The following THSD7B variants were observed in gnomAD, a reference collection of about 807,000 sequenced individuals.
THSD7B encodes thrombospondin type 1 domain containing 7B.
Under a neutral mutation model 213.6 loss-of-function variants are expected in THSD7B, and 138 were observed. That is an observed-to-expected ratio of 0.65 (90% CI 0.56 to 0.74). THSD7B has a LOEUF of 0.74. Ranked by LOEUF, THSD7B falls within the 30% of genes least tolerant of loss-of-function variation. THSD7B has a pLI of 0.00. For missense variants in THSD7B, 1,931 were observed against 1,991.5 expected (o/e 0.97, Z 0.58); for synonymous variants, 742 against 687.0 (o/e 1.08, Z -1.25).
intron 11 of THSD7B, 133 bp from the exon 12 acceptor site, chr2:137,275,790 T>G: frequency 1.6e-6 from 1 of 633,892 alleles, no homozygotes. Context: ...GGCTTGGTTT[T>G]ATGACATTGA....
At chr2:137,270,575 A>G (rs996006875) in intron 10 of THSD7B, among the ~76,000 whole-genome samples, 4 of 152,200 alleles carry the variant, frequency 2.6e-5, no homozygotes, top group African/African-American at 9.7e-5. Context: ...ATGACAGAAC[A>G]TTAATGGGTA....
At chr2:137,468,821 C>G (rs896097898) in intron 15 of THSD7B, among the ~76,000 whole-genome samples, 1 of 152,104 alleles carries the variant, frequency 6.6e-6, no homozygotes, top group Non-Finnish European at 1.5e-5. Context: ...CCCTCTACAT[C>G]AGTCAGAGCT....
chr2:136,844,480 GA>G (rs1682969249), intron 1 of THSD7B, among the ~76,000 whole-genome samples: 1 of 149,338 alleles, frequency 6.7e-6, no homozygotes, highest in African/African-American at 2.5e-5. Flanking sequence ...GAGAGAGAGA[GA>G]GAGAGAGAGA....
chr2:137,351,857 A>T (rs1040257316), intron 12 of THSD7B, among the ~76,000 whole-genome samples: 1 of 151,952 alleles, frequency 6.6e-6, no homozygotes, highest in Non-Finnish European at 1.5e-5. Context: ...CACTAAATCA[A>T]GCTTGTTCAA....
chr2:137,666,393 A>T (rs1683446999), intron 26 of THSD7B, among the ~76,000 whole-genome samples: 2 of 152,102 alleles, frequency 1.3e-5, no homozygotes, highest in African/African-American at 4.8e-5. Context: ...AAATACAATT[A>T]CTACATTGAA....
At chr2:137,042,879 T>C (rs570574758) in intron 2 of THSD7B, among the ~76,000 whole-genome samples, 75 of 152,380 alleles carry the variant, frequency 4.9e-4, no homozygotes, top group African/African-American at 1.7e-3. Context: ...CAATTCACTT[T>C]TTTTGTAAGC....
intron 1 of THSD7B, among the ~76,000 whole-genome samples, chr2:136,839,370 C>G (rs1184924907): frequency 1.3e-5 from 2 of 152,194 alleles, no homozygotes; most frequent in Non-Finnish European, 2.9e-5. Flanking sequence ...TTCTTATCCT[C>G]CATCCTCAAT....
intron 14 of THSD7B, among the ~76,000 whole-genome samples, chr2:137,413,343 C>T (rs1183814846): frequency 1.3e-5 from 2 of 152,112 alleles, no homozygotes; most frequent in South Asian, 4.1e-4. Flanking sequence ...CTGCTATGTA[C>T]CTGGACATCT....
intron 17 of THSD7B, among the ~76,000 whole-genome samples, chr2:137,589,856 C>G (rs1257732223): frequency 6.6e-6 from 1 of 152,102 alleles, no homozygotes; most frequent in Non-Finnish European, 1.5e-5. Context: ...GCAGCAATGC[C>G]AAGTGCTTCA....
At chr2:137,567,207 C>T (rs564827138) in intron 16 of THSD7B, among the ~76,000 whole-genome samples, 1 of 150,066 alleles carries the variant, frequency 6.7e-6, no homozygotes, top group South Asian at 2.1e-4. Context: ...CTTGATCTAT[C>T]ACCCAGGTTG....
At chr2:137,215,246 T>C (rs1376052256) in intron 7 of THSD7B, among the ~76,000 whole-genome samples, 1 of 152,232 alleles carries the variant, frequency 6.6e-6, no homozygotes, top group Non-Finnish European at 1.5e-5. Context: ...GAAATGTTTG[T>C]TCATATCCTT....
chr2:137,029,434 T>C (rs1309751889), intron 2 of THSD7B, among the ~76,000 whole-genome samples: 1 of 152,180 alleles, frequency 6.6e-6, no homozygotes, highest in East Asian at 1.9e-4. Context: ...ACCTTTACCC[T>C]ATTGTTTTAT....
chr2:137,462,663 T>G (rs569005887), intron 15 of THSD7B, among the ~76,000 whole-genome samples: 2 of 152,132 alleles, frequency 1.3e-5, no homozygotes, highest in South Asian at 2.1e-4. Flanking sequence ...GTCCTCAACA[T>G]TGGCCCAAAT....
intron 2 of THSD7B, among the ~76,000 whole-genome samples, chr2:136,998,909 GACACACACACACACACAC>G (rs57138045): frequency 0.011 from 1,372 of 129,978 alleles, 21 homozygotes; most frequent in African/African-American, 0.027. Flanking sequence ...ATACCCAACA[GACACACACACACACACAC>G]ACACACACAC....
intron 2 of THSD7B, among the ~76,000 whole-genome samples, chr2:136,938,201 G>T (rs191102392): frequency 6.6e-6 from 1 of 152,100 alleles, no homozygotes; most frequent in Admixed American, 6.6e-5. Flanking sequence ...AGGGAGCAAA[G>T]TGCCCATCCT....
intron 10 of THSD7B, among the ~76,000 whole-genome samples, chr2:137,255,475 A>G (rs568916083): frequency 2.6e-5 from 4 of 152,242 alleles, no homozygotes; most frequent in Admixed American, 2.6e-4. Flanking sequence ...AAGAACTACT[A>G]TGGAAGTGGA....
intron 2 of THSD7B, among the ~76,000 whole-genome samples, chr2:136,954,661 A>G (rs1236859319): frequency 4.0e-5 from 6 of 150,798 alleles, no homozygotes; most frequent in East Asian, 2.0e-4. Context: ...AGACTGCAGT[A>G]AGCCAAGATG....
At chr2:136,980,335 C>T (rs1178530981) in intron 2 of THSD7B, among the ~76,000 whole-genome samples, 2 of 152,178 alleles carry the variant, frequency 1.3e-5, no homozygotes, top group South Asian at 2.1e-4. Flanking sequence ...TCCTCAGAGC[C>T]ACCAGGTGGG....
At chr2:137,634,092 T>C (rs1468581575) in intron 20 of THSD7B, among the ~76,000 whole-genome samples, 1 of 152,126 alleles carries the variant, frequency 6.6e-6, no homozygotes, top group African/African-American at 2.4e-5. Flanking sequence ...GGAAAACCCT[T>C]GAAAGTGGAA....
Sources: allele counts gnomAD v4.1 joint callset (sites outside exome capture counted in the v4.1 genomes callset), GRCh38; gene constraint gnomAD v4.1.1; transcripts MANE v1.5; gene names NCBI Gene and HGNC (gene_info 2026-07-23, HGNC 2026-07-21).